SPMIP2: variants seen among roughly 807,000 people sequenced by gnomAD.
The protein encoded by SPMIP2 is protein SPMIP2.
the SPMIP2 span, among the ~76,000 whole-genome samples, chr4:159,039,142 T>C: frequency 2.6e-5 from 4 of 152,052 alleles, no homozygotes; most frequent in African/African-American, 9.7e-5. Flanking sequence ...TCTCACCATG[T>C]TGGCCAGGCT....
chr4:158,912,632 T>C, the SPMIP2 span, among the ~76,000 whole-genome samples: 9 of 152,200 alleles, frequency 5.9e-5, no homozygotes, highest in Admixed American at 6.5e-5. Flanking sequence ...TTATTTGCTT[T>C]CAAATATGTA....
the SPMIP2 span, among the ~76,000 whole-genome samples, chr4:158,954,363 TC>T: frequency 6.6e-6 from 1 of 152,004 alleles, no homozygotes; most frequent in African/African-American, 2.4e-5. Context: ...TGCCTTCTCC[TC>T]CTCCCACCAT....
At chr4:158,943,858 C>CT in the SPMIP2 span, among the ~76,000 whole-genome samples, 455 of 101,890 alleles carry the variant, frequency 4.5e-3, 17 homozygotes, top group South Asian at 0.019. Context: ...TTGACATTTT[C>CT]TTTTTTTTTT....
the SPMIP2 span, among the ~76,000 whole-genome samples, chr4:158,998,984 C>T: frequency 1.1e-4 from 17 of 152,060 alleles, no homozygotes; most frequent in Admixed American, 3.9e-4. Context: ...ACATAGTGAG[C>T]CCCTGTCTCT....
At chr4:159,065,118 T>C in the SPMIP2 span, among the ~76,000 whole-genome samples, 1 of 152,268 alleles carries the variant, frequency 6.6e-6, no homozygotes, top group African/African-American at 2.4e-5. Flanking sequence ...ACATTTGCAC[T>C]TTTATTTTGA....
chr4:158,934,360 G>A, the SPMIP2 span, among the ~76,000 whole-genome samples: 1 of 152,162 alleles, frequency 6.6e-6, no homozygotes, highest in Non-Finnish European at 1.5e-5. Context: ...TACTCGGGAG[G>A]CTGAGGCATA....
At chr4:158,971,699 C>T in the SPMIP2 span, among the ~76,000 whole-genome samples, 1 of 152,158 alleles carries the variant, frequency 6.6e-6, no homozygotes, top group Non-Finnish European at 1.5e-5. Context: ...CTAGTTACTG[C>T]TTCTAGTGCT....
At chr4:159,051,338 G>A in the SPMIP2 span, among the ~76,000 whole-genome samples, 1 of 152,036 alleles carries the variant, frequency 6.6e-6, no homozygotes, top group African/African-American at 2.4e-5. Context: ...ATGGACTTTT[G>A]GGGGGAGCTT....
the SPMIP2 span, among the ~76,000 whole-genome samples, chr4:159,053,240 G>A: frequency 2.6e-5 from 4 of 152,118 alleles, no homozygotes; most frequent in Non-Finnish European, 5.9e-5. Context: ...ACAGGCGTGA[G>A]CCACCGCGCC....
At chr4:158,974,121 G>A in the SPMIP2 span, among the ~76,000 whole-genome samples, 8 of 151,430 alleles carry the variant, frequency 5.3e-5, no homozygotes, top group Non-Finnish European at 7.4e-5. Flanking sequence ...AGAATACTCC[G>A]AAAATGTATT....
chr4:158,986,780 T>C, the SPMIP2 span, among the ~76,000 whole-genome samples: 13 of 151,864 alleles, frequency 8.6e-5, no homozygotes, highest in South Asian at 4.2e-4. Context: ...AATTGACAAA[T>C]GGGATCTAAT....
the SPMIP2 span, among the ~76,000 whole-genome samples, chr4:158,987,710 C>G: frequency 6.6e-6 from 1 of 152,010 alleles, no homozygotes; most frequent in African/African-American, 2.4e-5. Context: ...AGCACACCAG[C>G]ATGGCACATG....
At chr4:159,047,192 T>C in the SPMIP2 span, among the ~76,000 whole-genome samples, 4 of 152,354 alleles carry the variant, frequency 2.6e-5, no homozygotes, top group African/African-American at 7.2e-5. Context: ...ATCTTGTGCA[T>C]TTTATAGTTT....
At chr4:159,021,723 G>A in the SPMIP2 span, among the ~76,000 whole-genome samples, 1 of 152,224 alleles carries the variant, frequency 6.6e-6, no homozygotes, top group South Asian at 2.1e-4. Context: ...TCACTTACAA[G>A]GGAGTCTAAG....
the SPMIP2 span, among the ~76,000 whole-genome samples, chr4:158,966,838 T>C: frequency 2.2e-4 from 34 of 152,310 alleles, no homozygotes; most frequent in African/African-American, 7.7e-4. Flanking sequence ...TCCTAACAAA[T>C]GATGTGACAA....
chr4:158,898,426 G>A, the SPMIP2 span, among the ~76,000 whole-genome samples: 16 of 152,218 alleles, frequency 1.1e-4, no homozygotes, highest in Admixed American at 7.9e-4. Flanking sequence ...AATTACTTTG[G>A]GGAGTATGGC....
the SPMIP2 span, among the ~76,000 whole-genome samples, chr4:159,046,377 C>T: frequency 1.8e-4 from 27 of 152,226 alleles, no homozygotes; most frequent in African/African-American, 6.3e-4. Context: ...GAAACAAGTT[C>T]ACAAAACCCA....
the SPMIP2 span, among the ~76,000 whole-genome samples, chr4:158,916,283 G>A: frequency 7.2e-5 from 11 of 152,184 alleles, no homozygotes; most frequent in Non-Finnish European, 1.5e-4. Context: ...TATTTGGGAA[G>A]TACTAGGAAA....
chr4:158,972,942 T>C, the SPMIP2 span: 1 of 631,726 alleles, frequency 1.6e-6, no homozygotes, highest in Non-Finnish European at 2.7e-6. Flanking sequence ...TTCACACATG[T>C]GTCTTTCTGC....
Sources: gnomAD v4.1 joint callset for allele counts (sites outside exome capture counted in the v4.1 genomes callset) on GRCh38, gnomAD v4.1.1 for gene constraint, MANE v1.5 for transcripts, NCBI Gene and HGNC (gene_info 2026-07-23, HGNC 2026-07-21) for gene names.